Variants in AKT3 observed in about 807,000 individuals in gnomAD.
AKT3 encodes AKT serine/threonine kinase 3.
A neutral mutation model predicts 65.3 loss-of-function variants in AKT3; 15 were observed. The ratio of observed to expected loss-of-function variants is 0.23; its 90% CI spans 0.15 to 0.35. AKT3 has a LOEUF of 0.35. Ranked by LOEUF, AKT3 falls within the 10% of genes least tolerant of loss-of-function variation. The pLI, the probability that AKT3 is intolerant of heterozygous loss-of-function variation, is 1.00. For missense variants in AKT3, 243 were observed against 576.5 expected (o/e 0.42, Z 5.92); for synonymous variants, 206 against 183.8 (o/e 1.12, Z -0.98).
At chr1:243,672,169 T>C (rs1683198561) in intron 3 of AKT3, among the ~76,000 whole-genome samples, 1 of 152,216 alleles carries the variant, frequency 6.6e-6, no homozygotes. Context: ...CCTAGCAGGA[T>C]GCTGATCCTT....
chr1:243,637,554 C>T, intron 6 of AKT3, 57 bp downstream of exon 6: 1 of 1,437,596 alleles, frequency 7.0e-7, no homozygotes, highest in Non-Finnish European at 9.3e-7. Context: ...CATGAGCCCA[C>T]AAACACATGC....
rs1320930413 is a variant in AKT3 at position 243,661,726 on chromosome 1, G to A, written c.284+3046C>T. Among the ~76,000 whole-genome samples, 3 of 149,694 alleles carry A rather than the reference G, an allele frequency of 2.0e-5. No homozygotes were observed. The East Asian group carries it at 5.9e-4, about 29-fold the overall frequency. ...AAATGGGATCTAATTAAACTAAAGA[G>A]CTTCTGCACAGCAAAAGAAACTACC... On this transcript the variant is annotated intron_variant, in intron 4 of 13. Transcript: ENST00000673466.
chr1:243,686,756 CT>C (rs1165350447), intron 3 of AKT3, among the ~76,000 whole-genome samples: 1 of 143,912 alleles, frequency 6.9e-6, no homozygotes, highest in Non-Finnish European at 1.5e-5. Context: ...CAACTTCCAC[CT>C]CCCGGGTTCA....
At chr1:243,564,941 C>T (rs1321584460) in intron 9 of AKT3, among the ~76,000 whole-genome samples, 1 of 152,094 alleles carries the variant, frequency 6.6e-6, no homozygotes, top group Admixed American at 6.6e-5. Flanking sequence ...AACAGATCTC[C>T]ACTTTAGAAC....
At chr1:243,828,334 G>C (rs1694300447) in intron 2 of AKT3, among the ~76,000 whole-genome samples, 1 of 152,082 alleles carries the variant, frequency 6.6e-6, no homozygotes, top group African/African-American at 2.4e-5. Flanking sequence ...AGAAATTTAA[G>C]ACAGATTAAG....
At chr1:243,488,679 A>G (rs1186081699) in intron 13 of AKT3, among the ~76,000 whole-genome samples, 2 of 152,184 alleles carry the variant, frequency 1.3e-5, no homozygotes, top group African/African-American at 4.8e-5. Flanking sequence ...AGACCTTTCC[A>G]GCTGAACAAT....
intron 2 of AKT3, among the ~76,000 whole-genome samples, chr1:243,715,659 A>G (rs1019906680): frequency 2.6e-5 from 4 of 152,122 alleles, no homozygotes; most frequent in African/African-American, 9.7e-5. Context: ...ACATTACATA[A>G]TAACTCTTCT....
At chr1:243,800,879 T>G (rs1692341491) in intron 2 of AKT3, among the ~76,000 whole-genome samples, 1 of 152,204 alleles carries the variant, frequency 6.6e-6, no homozygotes, top group Non-Finnish European at 1.5e-5. Context: ...TATCATATAA[T>G]TAACCTAATA....
At position 243,613,576 on chromosome 1, in the gene AKT3, T is replaced by C. The variant is rs913276910; in HGVS notation, c.696+95A>G. Reference sequence around the variant, plus strand: ...AGCTACATAAATTCCTATCAAGAAATGGAGAACTGCTATATTGTAACTTGT... The same window carrying C: ...AGCTACATAAATTCCTATCAAGAAACGGAGAACTGCTATATTGTAACTTGT... On this transcript the variant is annotated intron_variant, in intron 8 of 13. Coordinates refer to ENST00000673466, the MANE Select transcript of AKT3 (RefSeq NM_005465.7). The C allele has an allele frequency of 2.0e-5, 18 of 909,168 alleles. 1 individual carries two copies. The highest frequency in any genetic ancestry group is 2.7e-5 in the Non-Finnish European group (17 of 622,190). The allele number at this position is 909,168 out of a possible 1,614,324, so 56.3% of individuals were successfully genotyped here. A position where few individuals can be genotyped will look rare whatever the true frequency, so the allele number is the denominator to read the frequency against.
chr1:243,505,126 C>T lies in AKT3; in HGVS notation c.*123G>A. The T allele has an allele frequency of 2.4e-6, 2 of 827,042 alleles. No homozygotes were observed. Among genetic ancestry groups the T allele is most frequent in the Non-Finnish European group, 3.9e-6 (2 of 508,690 alleles). The allele number at this position is 827,042 out of a possible 1,614,324, so 51.2% of individuals were successfully genotyped here. ...TGAAAGGTGGCGAGGGGTGAGGACC[C>T]TTGGCTGGTCTGGGATGTCGGAAGG... is the stretch of plus-strand genomic sequence containing the variant. On this transcript the variant is annotated 3_prime_UTR_variant, in exon 14 of 14. Transcript: ENST00000673466.
chr1:243,547,551 C>T (rs1346981669), intron 11 of AKT3, among the ~76,000 whole-genome samples: 3 of 152,044 alleles, frequency 2.0e-5, no homozygotes, highest in East Asian at 3.9e-4. Flanking sequence ...TCTAGATAAG[C>T]CCACATTTCA....
chr1:243,664,762 A>G lies in AKT3; in HGVS notation c.284+10T>C, dbSNP rs371954528. On this transcript the variant is annotated intron_variant, in intron 4 of 13. Transcript: ENST00000673466. ...CTTTTTCACAAAATGAAAACAAGTG[A>G]ATTTCTTACCTTTCCTCTGGAGTAT... 36 of 1,405,098 alleles carry G rather than the reference A, an allele frequency of 2.6e-5. No individual in the cohort carries two copies. The highest frequency in any genetic ancestry group is 2.9e-5 in the Non-Finnish European group (30 of 1,042,160). 87.0% of individuals were successfully genotyped at this position (1,405,098 alleles called of 1,614,324 possible).
At chr1:243,644,328 A>C (rs531076898) in intron 5 of AKT3, among the ~76,000 whole-genome samples, 11 of 152,152 alleles carry the variant, frequency 7.2e-5, no homozygotes, top group Non-Finnish European at 1.6e-4. Flanking sequence ...AAAGCTTGTA[A>C]ATTCTTGAAA....
At chr1:243,607,962 A>C (rs1677554385) in intron 8 of AKT3, among the ~76,000 whole-genome samples, 1 of 152,096 alleles carries the variant, frequency 6.6e-6, no homozygotes, top group South Asian at 2.1e-4. Flanking sequence ...TTCCCCTTCC[A>C]CCATGATTGT....
chr1:243,582,675 G>A (rs910571052), intron 8 of AKT3, among the ~76,000 whole-genome samples: 1 of 152,040 alleles, frequency 6.6e-6, no homozygotes, highest in African/African-American at 2.4e-5. Context: ...ATAGCCCACA[G>A]ACCCTATAAA....
intron 3 of AKT3, among the ~76,000 whole-genome samples, chr1:243,687,187 A>T (rs1000325905): frequency 2.0e-5 from 3 of 152,204 alleles, no homozygotes; most frequent in Non-Finnish European, 4.4e-5. Flanking sequence ...GGACATTTTT[A>T]AAATGAGTAT....
chr1:243,595,483 T>C (rs185713918), intron 8 of AKT3, among the ~76,000 whole-genome samples: 117 of 152,338 alleles, frequency 7.7e-4, no homozygotes, highest in East Asian at 1.3e-3. Context: ...TATAACTTTT[T>C]CACTTTATAC....
chr1:243,581,926 A>G (rs1237205899), intron 8 of AKT3, among the ~76,000 whole-genome samples: 1 of 152,052 alleles, frequency 6.6e-6, no homozygotes, highest in Admixed American at 6.6e-5. Context: ...GAAAAAATTC[A>G]CATAAGGAAT....
chr1:243,721,777 A>G (rs968421260), intron 2 of AKT3, among the ~76,000 whole-genome samples: 2 of 152,186 alleles, frequency 1.3e-5, no homozygotes, highest in Non-Finnish European at 2.9e-5. Flanking sequence ...TGTAGAATTA[A>G]AAGAATGCCA....
Sources: gnomAD v4.1 joint callset for allele counts (sites outside exome capture counted in the v4.1 genomes callset) on GRCh38, gnomAD v4.1.1 for gene constraint, MANE v1.5 for transcripts, NCBI Gene and HGNC (gene_info 2026-07-23, HGNC 2026-07-21) for gene names.